SLC39A11: variants seen among roughly 807,000 people sequenced by gnomAD.
SLC39A11 encodes the protein zinc transporter ZIP11.
A neutral mutation model predicts 36.1 loss-of-function variants in SLC39A11; 33 were observed. The ratio of observed to expected loss-of-function variants is 0.91; its 90% CI spans 0.69 to 1.22. The LOEUF is 1.22. SLC39A11 is among the 50% of genes most tolerant of loss of function. The pLI, the probability that SLC39A11 is intolerant of heterozygous loss-of-function variation, is 0.00. For missense variants in SLC39A11, 432 were observed against 430.3 expected (o/e 1.00, Z -0.03); for synonymous variants, 166 against 170.3 (o/e 0.97, Z 0.20).
chr17:72,797,649 T>C (rs1298891696), intron 6 of SLC39A11, among the ~76,000 whole-genome samples: 1 of 152,094 alleles, frequency 6.6e-6, no homozygotes, highest in East Asian at 1.9e-4. Flanking sequence ...CACTACCTCG[T>C]CTAATACCCC....
chr17:72,835,492 GCT>G (rs2078489246), intron 6 of SLC39A11, among the ~76,000 whole-genome samples: 1 of 152,172 alleles, frequency 6.6e-6, no homozygotes. Flanking sequence ...GACAGGTCTT[GCT>G]CTGTCACCCA....
intron 3 of SLC39A11, among the ~76,000 whole-genome samples, chr17:73,081,670 CATAT>C (rs1334829443): frequency 1.8e-3 from 149 of 82,228 alleles, no homozygotes; most frequent in South Asian, 0.017. Flanking sequence ...CACACACACA[CATAT>C]ATATACACAT....
intron 7 of SLC39A11, among the ~76,000 whole-genome samples, chr17:72,678,669 C>T (rs998209960): frequency 6.6e-6 from 1 of 151,928 alleles, no homozygotes; most frequent in Non-Finnish European, 1.5e-5. Context: ...TGCGCCACTG[C>T]ACTCCAGCCT....
intron 5 of SLC39A11, among the ~76,000 whole-genome samples, chr17:72,914,120 T>C (rs898917510): frequency 6.6e-6 from 1 of 151,016 alleles, no homozygotes; most frequent in Admixed American, 6.6e-5. Flanking sequence ...ATCAAGACCA[T>C]CCTGGCTAAC....
chr17:72,840,999 G>C (rs190601843), intron 6 of SLC39A11, among the ~76,000 whole-genome samples: 103 of 152,276 alleles, frequency 6.8e-4, no homozygotes, highest in Non-Finnish European at 1.2e-3. Flanking sequence ...AGCTTGCAGT[G>C]AGCTGAGATG....
intron 3 of SLC39A11, among the ~76,000 whole-genome samples, chr17:73,048,940 GC>G (rs1568187693): frequency 6.6e-6 from 1 of 152,156 alleles, no homozygotes; most frequent in Admixed American, 6.5e-5. Context: ...AGATAATAAC[GC>G]AGATGTGCTG....
chr17:72,998,013 A>C (rs2089615184), intron 4 of SLC39A11, among the ~76,000 whole-genome samples: 1 of 152,276 alleles, frequency 6.6e-6, no homozygotes, highest in African/African-American at 2.4e-5. Flanking sequence ...CAAATCTGTT[A>C]TCCATGAAAT....
At chr17:72,818,219 G>A (rs2077646814) in intron 6 of SLC39A11, among the ~76,000 whole-genome samples, 1 of 152,180 alleles carries the variant, frequency 6.6e-6, no homozygotes, top group Non-Finnish European at 1.5e-5. Context: ...CTTTTGTCCA[G>A]CCTGAAAGGT....
chr17:72,680,785 T>A (rs182363374), intron 7 of SLC39A11, among the ~76,000 whole-genome samples: 7 of 152,370 alleles, frequency 4.6e-5, no homozygotes, highest in Middle Eastern at 3.4e-3. Context: ...TGTATTTGTA[T>A]CAGTACTTCT....
At chr17:72,758,937 C>G (rs531467347) in intron 6 of SLC39A11, among the ~76,000 whole-genome samples, 1 of 152,234 alleles carries the variant, frequency 6.6e-6, no homozygotes, top group African/African-American at 2.4e-5. Flanking sequence ...AACCCTGTCT[C>G]TACTAAAACC....
chr17:72,985,944 G>A (rs756158369), intron 4 of SLC39A11, among the ~76,000 whole-genome samples: 155 of 152,148 alleles, frequency 1.0e-3, no homozygotes, highest in Non-Finnish European at 1.9e-3. Flanking sequence ...ACAGAGACAG[G>A]CACACAAGGA....
intron 7 of SLC39A11, among the ~76,000 whole-genome samples, chr17:72,712,273 C>T (rs934037280): frequency 6.6e-6 from 1 of 152,214 alleles, no homozygotes; most frequent in Non-Finnish European, 1.5e-5. Context: ...TTTCATCTGC[C>T]TGTGGCAGGG....
chr17:72,731,453 G>A (rs1009977880), intron 7 of SLC39A11, among the ~76,000 whole-genome samples: 1 of 151,878 alleles, frequency 6.6e-6, no homozygotes, highest in Non-Finnish European at 1.5e-5. Flanking sequence ...TTTCCTCCTT[G>A]GTGTCTTTTG....
At chr17:72,780,531 T>TGG (rs2076280237) in intron 6 of SLC39A11, among the ~76,000 whole-genome samples, 1 of 63,370 alleles carries the variant, frequency 1.6e-5, no homozygotes, top group Non-Finnish European at 3.3e-5. Flanking sequence ...GGGGGGCGGG[T>TGG]GGGGGCACAA....
chr17:72,980,395 C>T (rs372448099), intron 4 of SLC39A11, among the ~76,000 whole-genome samples: 3 of 152,132 alleles, frequency 2.0e-5, no homozygotes, highest in South Asian at 2.1e-4. Flanking sequence ...CTGGGAGACG[C>T]GATGAGTAGC....
chr17:73,027,736 C>T (rs1598915278), intron 4 of SLC39A11, among the ~76,000 whole-genome samples: 1 of 152,188 alleles, frequency 6.6e-6, no homozygotes, highest in African/African-American at 2.4e-5. Flanking sequence ...CTTCACGTCC[C>T]GAACACATAT....
chr17:73,052,854 T>C (rs1293665939), intron 3 of SLC39A11, among the ~76,000 whole-genome samples: 2 of 152,014 alleles, frequency 1.3e-5, no homozygotes, highest in African/African-American at 4.8e-5. Context: ...GAGCGTGCCA[T>C]CATGCCTGGC....
At chr17:72,876,837 A>G (rs1308247423) in intron 5 of SLC39A11, among the ~76,000 whole-genome samples, 3 of 152,238 alleles carry the variant, frequency 2.0e-5, no homozygotes, top group Non-Finnish European at 2.9e-5. Context: ...CTTTCCTGGC[A>G]GTACCCACTG....
intron 3 of SLC39A11, among the ~76,000 whole-genome samples, chr17:73,080,881 G>A (rs2060485372): frequency 6.6e-6 from 1 of 152,006 alleles, no homozygotes; most frequent in South Asian, 2.1e-4. Context: ...GGTGACAGAG[G>A]ATGCAGTGAG....
Sources: allele counts gnomAD v4.1 joint callset (sites outside exome capture counted in the v4.1 genomes callset), GRCh38; gene constraint gnomAD v4.1.1; transcripts MANE v1.5; gene names NCBI Gene and HGNC (gene_info 2026-07-23, HGNC 2026-07-21).